Variants in VPS9D1 observed in about 807,000 individuals in gnomAD.
VPS9D1 encodes VPS9 domain containing 1.
A neutral mutation model predicts 75.8 loss-of-function variants in VPS9D1; 78 were observed. The observed-to-expected ratio is 1.03, with a 90% CI of 0.86 to 1.24. The LOEUF (loss-of-function observed/expected upper bound fraction) is 1.24. VPS9D1 is among the 50% of genes most tolerant of loss of function. VPS9D1 has a pLI of 0.00. For synonymous variants in VPS9D1, 481 were observed against 385.6 expected (o/e 1.25, Z -2.90); for missense variants, 1,057 against 847.7 (o/e 1.25, Z -3.07).
rs1273820070 is a variant in VPS9D1 at position 89,712,509 on chromosome 16, T to C, written c.557A>G (p.Gln186Arg). 1.3e-5 allele frequency: 21 copies of C among 1,612,786 alleles called. No homozygotes were observed. Among genetic ancestry groups the C allele is most frequent in the Non-Finnish European group, 1.5e-5 (18 of 1,179,900 alleles). ...MQKTSLTLSL[Q>R]RQMMENLVIA... ...CACTAGGTTCTCCATCATCTGCCGC[T>C]GTAGAGAGAGGGTCTGGGGGGGGAG... The change falls in exon 6 of 15, where the codon CAG becomes CGG. Residue 186 changes from glutamine (Q) to arginine (R), a missense_variant. Transcript: ENST00000389386.
chr16:89,718,173 C>T (rs1597934747), intron 2 of VPS9D1: 1 of 412,458 alleles, frequency 2.4e-6, no homozygotes. Flanking sequence ...TGCTATTCCT[C>T]TCCTTGCCAG....
At position 89,716,747 on chromosome 16, in the gene VPS9D1, G is replaced by C. The variant is rs376622407; in HGVS notation, c.251C>G (p.Ser84Trp). The C allele has an allele frequency of 1.3e-6, 2 of 1,589,090 alleles. No individual in the cohort carries two copies. Among genetic ancestry groups the C allele is most frequent in the African/African-American group, 2.7e-5 (2 of 73,580 alleles). The change falls in exon 3 of 15, where the codon TCG (serine) becomes TGG (tryptophan). Residue 84 changes from serine (S) to tryptophan (W), a missense_variant. Physicochemically the swap from Ser to Trp is radical, Grantham distance 177 (BLOSUM62 -3). Coordinates refer to ENST00000389386, the MANE Select transcript of VPS9D1 (RefSeq NM_004913.3). Reference protein sequence around the residue: ...LAQQCLERAQSTAAKLGKTRL... With the variant: ...LAQQCLERAQWTAAKLGKTRL... ...AGACCCACCAAGCTTGGCGGCCGTC[G>C]ACTGGGCCCTCTCCAGACACTGCTG...
intron 12 of VPS9D1, 102 bp downstream of exon 12, chr16:89,709,125 C>T: frequency 6.5e-7 from 1 of 1,546,792 alleles, no homozygotes. Flanking sequence ...CCAACCTCCC[C>T]ACCGGCACGT....
chr16:89,709,934 A>G, intron 10 of VPS9D1, 28 bp from the exon 11 acceptor site: 1 of 1,576,380 alleles, frequency 6.3e-7, no homozygotes, highest in Non-Finnish European at 8.6e-7. Flanking sequence ...GGGGACGTCC[A>G]CAGAGGCTCC....
intron 2 of VPS9D1, 116 bp downstream of exon 2, chr16:89,718,911 C>T (rs1242041960): frequency 4.7e-6 from 4 of 850,280 alleles, no homozygotes; most frequent in South Asian, 4.6e-5. Context: ...GACGGGGTTT[C>T]ACCATGTTAG....
At chr16:89,708,381 C>T (rs1477368213) in intron 14 of VPS9D1, 46 bp downstream of exon 14, 3 of 1,537,096 alleles carry the variant, frequency 2.0e-6, no homozygotes, top group South Asian at 2.3e-5. Context: ...GGATGAGGTC[C>T]CTGCTCTTCG....
intron 7 of VPS9D1, 35 bp from the exon 8 acceptor site, chr16:89,712,004 A>G (rs1242541818): frequency 1.3e-6 from 2 of 1,549,452 alleles, no homozygotes; most frequent in Non-Finnish European, 1.7e-6. Flanking sequence ...TGCCGGGGCC[A>G]GGCCCTCCCC....
chr16:89,711,210 C>A, intron 9 of VPS9D1, 117 bp downstream of exon 9: 1 of 1,258,202 alleles, frequency 7.9e-7, no homozygotes, highest in South Asian at 1.4e-5. Flanking sequence ...CTGCAGTGTC[C>A]ACGTGGCCGG....
chr16:89,712,440 AG>A lies in VPS9D1; in HGVS notation c.606+19del, dbSNP rs2060954949. ...ACTGAGTTTCCCCTCGGGGACCACC[AG>A]GGCGGTCAGAAAGGCTGCTGTCTCC... On this transcript the variant is annotated intron_variant, in intron 6 of 14. Transcript: ENST00000389386. 1.9e-6 allele frequency: 3 copies of A among 1,612,288 alleles called. No individual in the cohort carries two copies. The African/African-American group carries it at 4.0e-5, about 21-fold the overall frequency.
In VPS9D1 at chr16:89,709,879, G is replaced by A; in HGVS notation, c.1286C>T (p.Ala429Val). ...GGCAGCTGTGTTTAGGCCTTCGAAGGCCAGAAGGGTCAGCGAGAGCAGCCT... is the reference window on the plus strand; with the variant it reads ...GGCAGCTGTGTTTAGGCCTTCGAAGACCAGAAGGGTCAGCGAGAGCAGCCT... The part of the protein sequence containing the change: ...VDRLLSLTLL[A>V]FEGLNTAASK... Residue 429 changes from alanine (A) to valine (V), a missense_variant, in exon 11 of 15, where the codon GCC (alanine) becomes GTC (valine). Ala to Val is a moderately conservative substitution (Grantham distance 64). Transcript: ENST00000389386. 4.3e-6 allele frequency: 7 copies of A among 1,612,972 alleles called. No homozygotes were observed. Among genetic ancestry groups the A allele is most frequent in the Non-Finnish European group, 5.9e-6 (7 of 1,179,532 alleles).
chr16:89,716,089 C>T (rs1029763912), intron 4 of VPS9D1, among the ~76,000 whole-genome samples: 2 of 151,890 alleles, frequency 1.3e-5, no homozygotes, highest in East Asian at 2.0e-4. Flanking sequence ...CTGTGGGGGC[C>T]GGGCGCGGTG....
chr16:89,712,577 C>G (rs368533040), intron 5 of VPS9D1, 28 bp downstream of exon 5: 133 of 1,608,692 alleles, frequency 8.3e-5, no homozygotes, highest in Non-Finnish European at 2.1e-5. Flanking sequence ...GCCCACGCAC[C>G]CCCAGGCCCT....
At position 89,710,627 on chromosome 16, in the gene VPS9D1, T is replaced by C. The variant is rs1427806943; in HGVS notation, c.1217A>G (p.Gln406Arg). The change falls in exon 10 of 15, where the codon CAG becomes CGG. Residue 406 changes from glutamine (Q) to arginine (R), a missense_variant. Gln to Arg is a conservative substitution (Grantham distance 43). Transcript: ENST00000389386. ...CTCCTCCACCGCGGTCTTCAGCTGC[T>C]GCAGCTGGGGCTCCGGCTGTACCCC... Reference protein sequence around the residue: ...GRGVQPEPQLQQLKTAVEEIH... With the variant: ...GRGVQPEPQLRQLKTAVEEIH... The C allele has an allele frequency of 2.5e-6, 4 of 1,610,038 alleles. No individual in the cohort carries two copies. The highest frequency in any genetic ancestry group is 3.4e-6 in the Non-Finnish European group (4 of 1,177,644).
rs756169321 is a variant in VPS9D1 at position 89,710,657 on chromosome 16, C to A, written c.1187G>T (p.Gly396Val). Reference sequence around the variant, plus strand: ...CTGGGGCTCCGGCTGTACCCCACGGCCCCGGCCCTGCCGCTCAGACGTCCC... The same window carrying A: ...CTGGGGCTCCGGCTGTACCCCACGGACCCGGCCCTGCCGCTCAGACGTCCC... ...FLGTSERQGR[G>V]RGVQPEPQLQ... The change falls in exon 10 of 15, where the codon GGC (glycine) becomes GTC (valine). Residue 396 changes from glycine (G) to valine (V), a missense_variant. By Grantham distance (109) the Gly-to-Val change is moderately radical. Coordinates refer to ENST00000389386, the MANE Select transcript of VPS9D1 (RefSeq NM_004913.3). The A allele has an allele frequency of 6.2e-7, 1 of 1,611,802 alleles. No homozygotes were observed. The highest frequency in any genetic ancestry group is 8.5e-7 in the Non-Finnish European group (1 of 1,179,622).
intron 8 of VPS9D1, 197 bp downstream of exon 8, chr16:89,711,665 CCCACGCGACCCCTGACCTCG>C: frequency 1.5e-6 from 1 of 682,304 alleles, no homozygotes; most frequent in Non-Finnish European, 2.4e-6. Flanking sequence ...CTGGGACCCT[CCCACGCGACCCCTGACCTCG>C]CCTCCTCGCT....
chr16:89,718,245 G>A (rs931636904), intron 2 of VPS9D1: 47 of 369,772 alleles, frequency 1.3e-4, no homozygotes, highest in Non-Finnish European at 2.1e-4. Flanking sequence ...GACGCACCCC[G>A]AGGCCGTTTA....
At chr16:89,717,367 C>T in intron 2 of VPS9D1, 3 of 354,544 alleles carry the variant, frequency 8.5e-6, no homozygotes, top group Non-Finnish European at 1.1e-5. Context: ...GGCCGTTTTA[C>T]AGAGACAAGG....
chr16:89,719,246 G>T (rs2061173884), intron 1 of VPS9D1, 144 bp from the exon 2 acceptor site: 2 of 787,806 alleles, frequency 2.5e-6, no homozygotes, highest in African/African-American at 1.7e-5. Flanking sequence ...TGAGCCTGCG[G>T]TGGTTAGCTG....
rs1191283328 is a variant in VPS9D1 at position 89,710,836 on chromosome 16, G to A, written c.1008C>T (p.Ser336=). The A allele has an allele frequency of 3.9e-6, 6 of 1,529,188 alleles. No individual in the cohort carries two copies. The highest frequency in any genetic ancestry group is 2.0e-5 in the Admixed American group (1 of 50,144). The allele number at this position is 1,529,188 out of a possible 1,614,324, so 94.7% of individuals were successfully genotyped here. Residue 336 remains serine, a synonymous_variant, in exon 10 of 15, where the codon TCC becomes TCT. Coordinates refer to ENST00000389386, the MANE Select transcript of VPS9D1 (RefSeq NM_004913.3). ...GCGGGGCTGCGCTGGGCTCGGGCGG[G>A]GACAGCATGCAATGGAGGCTCTGCG... is the stretch of plus-strand genomic sequence containing the variant. ...RPSQSLHCML[S]PPEPSAAPRP...
Sources: gnomAD v4.1 joint callset for allele counts (sites outside exome capture counted in the v4.1 genomes callset) on GRCh38, gnomAD v4.1.1 for gene constraint, MANE v1.5 for transcripts, NCBI Gene and HGNC (gene_info 2026-07-23, HGNC 2026-07-21) for gene names.